TMPRSS13: variants seen among roughly 807,000 people sequenced by gnomAD.
The protein encoded by TMPRSS13 is transmembrane serine protease 13, also known as transmembrane protease serine 13.
A neutral mutation model predicts 68.4 loss-of-function variants in TMPRSS13; 50 were observed. That is an observed-to-expected ratio of 0.73 (90% confidence interval 0.58 to 0.93). The LOEUF is 0.93. TMPRSS13 is among the 40% of genes least tolerant of loss of function. The pLI is 0.00. For missense variants in TMPRSS13, 615 were observed against 729.2 expected (o/e 0.84, Z 1.80); for synonymous variants, 267 against 285.8 (o/e 0.93, Z 0.66).
chr11:117,928,188 C>A (rs2057724753), intron 1 of TMPRSS13, among the ~76,000 whole-genome samples: 1 of 152,160 alleles, frequency 6.6e-6, no homozygotes, highest in Admixed American at 6.5e-5. Context: ...CCTTGTGTAC[C>A]CCCCTTACTG....
intron 8 of TMPRSS13, 82 bp downstream of exon 8, chr11:117,909,724 G>A (rs1421962384): frequency 6.7e-7 from 1 of 1,496,470 alleles, no homozygotes; most frequent in Non-Finnish European, 9.0e-7. Flanking sequence ...CCTCCTCCAC[G>A]AAGAAGTCAG....
At chr11:117,918,073 A>G (rs147748809) in intron 2 of TMPRSS13, among the ~76,000 whole-genome samples, 1 of 152,236 alleles carries the variant, frequency 6.6e-6, no homozygotes, top group East Asian at 1.9e-4. Context: ...GACCCACAGG[A>G]CAGCACAAGG....
chr11:117,903,315 T>C, intron 12 of TMPRSS13: 1 of 1,396,624 alleles, frequency 7.2e-7, no homozygotes, highest in South Asian at 1.3e-5. Flanking sequence ...ACAAAAACTA[T>C]CACAAAATCC....
rs1423565195 is a variant in TMPRSS13 at position 117,908,596 on chromosome 11, G to C, written c.1282+16C>G. ...GGGCTGGGGGGCAGGAGAGCGGGGAGTGCAGATTCCCTCACCGGACAGGGT... is the reference window on the plus strand; with the variant it reads ...GGGCTGGGGGGCAGGAGAGCGGGGACTGCAGATTCCCTCACCGGACAGGGT... On this transcript the variant is annotated intron_variant, in intron 9 of 12. Transcript: ENST00000524993. 4 of 1,552,710 alleles carry C rather than the reference G, an allele frequency of 2.6e-6. No homozygotes were observed. The highest frequency in any genetic ancestry group is 2.6e-6 in the Non-Finnish European group (3 of 1,149,200).
At chr11:117,908,503 G>T in intron 9 of TMPRSS13, 109 bp downstream of exon 9, 1 of 1,239,364 alleles carries the variant, frequency 8.1e-7, no homozygotes, top group Non-Finnish European at 1.1e-6. Flanking sequence ...CTTCTGCCCT[G>T]CAGAAGCTTT....
chr11:117,928,652 G>A (rs1478929525), intron 1 of TMPRSS13, among the ~76,000 whole-genome samples: 2 of 152,220 alleles, frequency 1.3e-5, no homozygotes, highest in Non-Finnish European at 1.5e-5. Flanking sequence ...CAGAGGACAG[G>A]CCAGCTGCTT....
chr11:117,914,703 G>A lies in TMPRSS13; in HGVS notation c.557-189C>T, dbSNP rs1485105030. On this transcript the variant is annotated intron_variant, in intron 3 of 12. Coordinates refer to ENST00000524993, the MANE Select transcript of TMPRSS13 (RefSeq NM_001077263.3). This position sits in a 1 kb window ranked among gnomAD's most constrained non-coding sequence, Gnocchi z 4.2. ...CTCCAGAATGCTCCAGAAAGCTCCT[G>A]CAAGCAGGGCAGCACCAGGCAGATT... Among the ~76,000 whole-genome samples, 1 of 152,122 alleles carries A rather than the reference G, an allele frequency of 6.6e-6. No homozygotes were observed. The highest frequency in any genetic ancestry group is 1.5e-5 in the Non-Finnish European group (1 of 68,024).
rs1362213050 is a variant in TMPRSS13, at chr11:117,903,642, G to T, written c.1677+13C>A. 3 of 1,614,142 alleles carry T rather than the reference G, an allele frequency of 1.9e-6. No individual in the cohort carries two copies. Among genetic ancestry groups the T allele is most frequent in the Admixed American group, 1.7e-5 (1 of 60,024 alleles). Reference sequence around the variant, plus strand: ...AGCCTGCTGGGTGCAGTGTCCTGCTGCAGGGATCTTACCTCCATCTTGCTG... The same window carrying T: ...AGCCTGCTGGGTGCAGTGTCCTGCTTCAGGGATCTTACCTCCATCTTGCTG... On this transcript the variant is annotated intron_variant, in intron 12 of 12. Transcript: ENST00000524993.
intron 11 of TMPRSS13, 73 bp downstream of exon 11, chr11:117,903,886 A>T: frequency 1.3e-6 from 2 of 1,595,282 alleles, no homozygotes; most frequent in South Asian, 2.3e-5. Flanking sequence ...CAATTCCCAC[A>T]TCAGCCCCAA....
intron 6 of TMPRSS13, among the ~76,000 whole-genome samples, chr11:117,911,497 G>A (rs183232648): frequency 1.3e-3 from 199 of 152,274 alleles, no homozygotes; most frequent in Middle Eastern, 3.4e-3. Context: ...TGGTCCCAAG[G>A]TTCATGAATT....
At chr11:117,923,952 A>G (rs7120999) in intron 1 of TMPRSS13, among the ~76,000 whole-genome samples, 12,334 of 151,582 alleles carry the variant, frequency 0.081, 1,629 homozygotes, top group African/African-American at 0.28. Flanking sequence ...GTCCAGTTTA[A>G]GCCAATTGGG....
rs1555054352 is a variant in TMPRSS13, at chr11:117,905,739, GCAA to G, written c.1283-6_1283-4del. On this transcript the variant is annotated splice_region_variant and splice_polypyrimidine_tract_variant and intron_variant, in intron 9 of 12. Coordinates refer to ENST00000524993, the MANE Select transcript of TMPRSS13 (RefSeq NM_001077263.3). ...GAGGCAAGCAGGGTGGATGTGAGCT[GCAA>G]CAAGACCTCCAGACGTCAGTGAAGG... 3.1e-6 allele frequency: 5 copies of G among 1,592,026 alleles called. No homozygotes were observed. Among genetic ancestry groups the G allele is most frequent in the Non-Finnish European group, 4.3e-6 (5 of 1,166,376 alleles).
In TMPRSS13 at chr11:117,902,210, G is replaced by A. The variant is rs73591131; in HGVS notation, c.*29C>T. 18,754 of 1,612,324 alleles carry A rather than the reference G, an allele frequency of 0.012. 512 individuals carry two copies. The highest frequency in any genetic ancestry group is 0.081 in the African/African-American group (6,070 of 74,982). ...CATGGCCAGAGTCTTCACAGCAGCC[G>A]GTGCTGTGCAGAGCAGCAGGCCAGC... On this transcript the variant is annotated 3_prime_UTR_variant, in exon 13 of 13. Transcript: ENST00000524993.
At chr11:117,910,580 C>CCTGCTTCAGGG in intron 7 of TMPRSS13, 127 bp downstream of exon 7, 1 of 887,678 alleles carries the variant, frequency 1.1e-6, no homozygotes, top group Non-Finnish European at 1.7e-6. Context: ...CTGAAGCAGG[C>CCTGCTTCAGGG]CTGCTGGCTA....
intron 6 of TMPRSS13, among the ~76,000 whole-genome samples, chr11:117,911,079 G>A (rs1366134181): frequency 1.3e-5 from 2 of 152,162 alleles, no homozygotes; most frequent in African/African-American, 2.4e-5. Flanking sequence ...CTAAACAGGT[G>A]GTCTGGTGCT....
chr11:117,921,031 A>C (rs1170781891), intron 1 of TMPRSS13, among the ~76,000 whole-genome samples: 1 of 152,204 alleles, frequency 6.6e-6, no homozygotes, highest in Non-Finnish European at 1.5e-5. Flanking sequence ...ATAACAGCCC[A>C]CGAGCACTTT....
At chr11:117,909,266 A>C (rs1395106444) in intron 8 of TMPRSS13, among the ~76,000 whole-genome samples, 1 of 152,170 alleles carries the variant, frequency 6.6e-6, no homozygotes, top group African/African-American at 2.4e-5. Flanking sequence ...GCAAATTCAG[A>C]CAGGACAAAG....
At chr11:117,903,155 A>G (rs1184661831) in intron 12 of TMPRSS13, 2 of 1,367,254 alleles carry the variant, frequency 1.5e-6, no homozygotes. Context: ...CATTCTGGTG[A>G]CAGCTGTGAA....
Position 117,904,110 on chromosome 11 carries a change from A to G in TMPRSS13, c.1382-9T>C. 6.2e-7 allele frequency: 1 copy of G among 1,613,372 alleles called. No homozygotes were observed. The highest frequency in any genetic ancestry group is 8.5e-7 in the Non-Finnish European group (1 of 1,179,610). On this transcript the variant is annotated splice_polypyrimidine_tract_variant and intron_variant, in intron 10 of 12. Coordinates refer to ENST00000524993, the MANE Select transcript of TMPRSS13 (RefSeq NM_001077263.3). ...GAAGGGGGATGTCTTGTCTTCAGTG[A>G]AGTGGGGTGGAGGAGACAGAGGATG...
Sources: allele counts gnomAD v4.1 joint callset (sites outside exome capture counted in the v4.1 genomes callset), GRCh38; gene constraint gnomAD v4.1.1; non-coding constraint Gnocchi (gnomAD v3.1); transcripts MANE v1.5; gene names NCBI Gene and HGNC (gene_info 2026-07-23, HGNC 2026-07-21).